Variants in GFOD1 observed in about 807,000 individuals in gnomAD.
The protein encoded by GFOD1 is glucose-fructose oxidoreductase domain-containing protein 1.
A neutral mutation model predicts 25.4 loss-of-function variants in GFOD1; 9 were observed. The ratio of observed to expected loss-of-function variants is 0.35; its 90% confidence interval spans 0.21 to 0.62. The LOEUF (loss-of-function observed/expected upper bound fraction) is 0.62, where lower values mean the gene tolerates loss of function less well. Among genes scored for constraint, GFOD1 ranks in the 20% least tolerant of loss-of-function variants. The pLI is 0.72. For missense variants in GFOD1, 403 were observed against 556.9 expected, an observed-to-expected ratio of 0.72 and a Z score of 2.78; for synonymous variants, 253 against 245.6, an observed-to-expected ratio of 1.03 and a Z score of -0.28.
At chr6:13,445,753 C>A (rs1278502698) in intron 1 of GFOD1, among the ~76,000 whole-genome samples, 1 of 152,252 alleles carries the variant, frequency 6.6e-6, no homozygotes, top group Non-Finnish European at 1.5e-5. Context: ...TTAGAAGACA[C>A]ACAAACCAAG....
intron 1 of GFOD1, among the ~76,000 whole-genome samples, chr6:13,454,312 T>C (rs1253377474): frequency 6.6e-6 from 1 of 152,232 alleles, no homozygotes; most frequent in Non-Finnish European, 1.5e-5. Context: ...GCCACCCAGC[T>C]GATGGTACTT....
chr6:13,400,773 C>T (rs994954330), intron 1 of GFOD1, among the ~76,000 whole-genome samples: 2 of 152,176 alleles, frequency 1.3e-5, no homozygotes, highest in African/African-American at 4.8e-5. Context: ...AACACCATAT[C>T]TGGTGACTAG....
chr6:13,375,711 C>G (rs1013038844), intron 1 of GFOD1, among the ~76,000 whole-genome samples: 5 of 152,152 alleles, frequency 3.3e-5, no homozygotes, highest in Admixed American at 3.3e-4. Context: ...ATCCCACCAA[C>G]CCCTTTGTGA....
In GFOD1 at chr6:13,409,527, A is replaced by G. The variant is rs116047300; in HGVS notation, c.254-43865T>C. ...ACGTCTTTATGCACAGAGAGATAGT[A>G]GGAAGGATAGATTTACAAGCAGAAA... On this transcript the variant is annotated intron_variant, in intron 1 of 1. Coordinates refer to ENST00000379287, the MANE Select transcript of GFOD1 (RefSeq NM_018988.4). Among the ~76,000 whole-genome samples the G allele has an allele frequency of 5.7e-3, 872 of 152,338 alleles. 8 individuals are homozygous for G. Among genetic ancestry groups the G allele is most frequent in the African/African-American group, 0.02 (823 of 41,572 alleles).
At chr6:13,461,878 C>T in intron 1 of GFOD1, among the ~76,000 whole-genome samples, 1 of 152,182 alleles carries the variant, frequency 6.6e-6, no homozygotes, top group Non-Finnish European at 1.5e-5. Flanking sequence ...CCAAGAACGC[C>T]ACTTGCACCC....
intron 1 of GFOD1, among the ~76,000 whole-genome samples, chr6:13,437,121 T>G (rs1211700031): frequency 6.6e-6 from 1 of 152,168 alleles, no homozygotes; most frequent in East Asian, 1.9e-4. Flanking sequence ...GAGGTGGGTC[T>G]TGGTGAAGGC....
chr6:13,444,012 A>G (rs1757961017), intron 1 of GFOD1, among the ~76,000 whole-genome samples: 1 of 152,174 alleles, frequency 6.6e-6, no homozygotes. Context: ...CACTACGGGT[A>G]TACCCAGAGG....
intron 1 of GFOD1, among the ~76,000 whole-genome samples, chr6:13,395,358 T>C (rs1439738704): frequency 1.3e-5 from 2 of 152,200 alleles, no homozygotes; most frequent in East Asian, 3.9e-4. Flanking sequence ...CAAGAGGCAC[T>C]GGATCCATGA....
chr6:13,437,608 G>A (rs2127571436), intron 1 of GFOD1, among the ~76,000 whole-genome samples: 1 of 152,330 alleles, frequency 6.6e-6, no homozygotes, highest in South Asian at 2.1e-4. Context: ...TGTTTTTAAA[G>A]TACTGGTGCC....
intron 1 of GFOD1, chr6:13,408,179 T>A (rs971573557): frequency 5.6e-5 from 41 of 726,914 alleles, no homozygotes; most frequent in East Asian, 2.6e-4. Flanking sequence ...CTCTGCCTGA[T>A]CAGAACACAA....
Position 13,431,635 on chromosome 6 carries a change from G to A in GFOD1, c.253+55003C>T, listed in dbSNP as rs112095644. 1.2e-3 allele frequency among the ~76,000 whole-genome samples: 187 copies of A among 152,224 alleles called. 1 individual carries two copies. The highest frequency in any genetic ancestry group is 4.2e-3 in the African/African-American group (175 of 41,526). On this transcript the variant is annotated intron_variant, in intron 1 of 1. Transcript: ENST00000379287. Reference sequence around the variant, plus strand: ...ACTGCACCCACTCTCTTCTCTGAACGGCCCTACTCCAATTAGCATTATGCA... The same window carrying A: ...ACTGCACCCACTCTCTTCTCTGAACAGCCCTACTCCAATTAGCATTATGCA...
At chr6:13,451,808 G>A (rs372191297) in intron 1 of GFOD1, among the ~76,000 whole-genome samples, 2 of 152,320 alleles carry the variant, frequency 1.3e-5, no homozygotes, top group East Asian at 3.9e-4. Flanking sequence ...TGCACCACGG[G>A]AGTGAGGGTT....
chr6:13,470,692 T>G, intron 1 of GFOD1: 1 of 1,440,976 alleles, frequency 6.9e-7, no homozygotes. Context: ...CACCCACTTT[T>G]GATTATTCAT....
chr6:13,469,751 C>G (rs1235235603), intron 1 of GFOD1: 1 of 1,154,422 alleles, frequency 8.7e-7, no homozygotes, highest in Non-Finnish European at 1.1e-6. Flanking sequence ...ATACATGTCA[C>G]AGAATCAATG....
intron 1 of GFOD1, among the ~76,000 whole-genome samples, chr6:13,471,535 AG>A: frequency 1.3e-5 from 2 of 152,330 alleles, no homozygotes; most frequent in African/African-American, 4.8e-5. Context: ...TAAAGAATTT[AG>A]GAAACTTCCC....
chr6:13,405,157 C>CA (rs1785922240), intron 1 of GFOD1, among the ~76,000 whole-genome samples: 1 of 152,144 alleles, frequency 6.6e-6, no homozygotes, highest in African/African-American at 2.4e-5. Flanking sequence ...GAAGTCTTCT[C>CA]AAGCTTTAGA....
intron 1 of GFOD1, among the ~76,000 whole-genome samples, chr6:13,456,792 A>C (rs959170027): frequency 6.6e-6 from 1 of 152,170 alleles, no homozygotes; most frequent in African/African-American, 2.4e-5. Context: ...AGGAGGTCTG[A>C]GCCTCCTGGG....
chr6:13,374,594 C>T (rs910618661), intron 1 of GFOD1, among the ~76,000 whole-genome samples: 20 of 151,850 alleles, frequency 1.3e-4, no homozygotes, highest in Non-Finnish European at 4.4e-5. Flanking sequence ...GTGTGAACCA[C>T]CACGCCCAGC....
At chr6:13,413,442 A>C (rs879224678) in intron 1 of GFOD1, among the ~76,000 whole-genome samples, 7 of 152,224 alleles carry the variant, frequency 4.6e-5, no homozygotes, top group Non-Finnish European at 8.8e-5. Flanking sequence ...AAGGATAATC[A>C]AAAGAAGAGG....
Sources: allele counts gnomAD v4.1 joint callset (sites outside exome capture counted in the v4.1 genomes callset), GRCh38; gene constraint gnomAD v4.1.1; transcripts MANE v1.5; gene names NCBI Gene and HGNC (gene_info 2026-07-23, HGNC 2026-07-21).